The following SMYD3 variants were observed in gnomAD, a reference collection of about 807,000 sequenced individuals.
SMYD3 encodes histone-lysine N-methyltransferase SMYD3.
A neutral mutation model predicts 57.7 loss-of-function variants in SMYD3; 36 were observed. The ratio of observed to expected loss-of-function variants is 0.62; its 90% confidence interval spans 0.48 to 0.82. The LOEUF (loss-of-function observed/expected upper bound fraction) is 0.82, where lower values mean the gene tolerates loss of function less well. SMYD3 is among the 40% of genes least tolerant of loss of function. SMYD3 has a pLI of 0.00. For synonymous variants in SMYD3, 211 were observed against 195.0 expected (o/e 1.08, Z -0.68); for missense variants, 515 against 538.8 (o/e 0.96, Z 0.44).
At position 246,066,258 on chromosome 1, in the gene SMYD3, C is replaced by T. The variant is rs571029733; in HGVS notation, c.532-136321G>A. Among the ~76,000 whole-genome samples the T allele has an allele frequency of 3.3e-5, 5 of 152,170 alleles. No homozygotes were observed. In the South Asian group the frequency reaches 6.2e-4, roughly 19 times the overall value. On this transcript the variant is annotated intron_variant, in intron 5 of 11. Transcript: ENST00000490107. ...CAAGTACGAACACAGTCATTCAAAC[C>T]GGGCTAATAAAAGGCAGCTTAGTGG...
intron 10 of SMYD3, among the ~76,000 whole-genome samples, chr1:245,851,371 T>C (rs9659310): frequency 0.2 from 30,346 of 152,170 alleles, 4,414 homozygotes; most frequent in East Asian, 0.59. Flanking sequence ...GACCCAGGAA[T>C]GTGAGATGTA....
chr1:245,838,019 T>C (rs2050185910), intron 10 of SMYD3, among the ~76,000 whole-genome samples: 1 of 152,196 alleles, frequency 6.6e-6, no homozygotes, highest in African/African-American at 2.4e-5. Context: ...CAGTTGAAAA[T>C]ATGATCTCTG....
chr1:246,265,918 G>A (rs138699766), intron 5 of SMYD3, among the ~76,000 whole-genome samples: 6 of 152,190 alleles, frequency 3.9e-5, no homozygotes, highest in Non-Finnish European at 8.8e-5. Context: ...TATTGGGTTT[G>A]AGAATCTTCT....
At chr1:246,431,636 G>A (rs1388448579) in intron 1 of SMYD3, among the ~76,000 whole-genome samples, 1 of 152,196 alleles carries the variant, frequency 6.6e-6, no homozygotes, top group Non-Finnish European at 1.5e-5. Context: ...GGAGGCTGAG[G>A]CAGCAGAATC....
intron 5 of SMYD3, among the ~76,000 whole-genome samples, chr1:245,950,870 A>G (rs1234667098): frequency 3.9e-5 from 6 of 152,138 alleles, no homozygotes; most frequent in African/African-American, 1.4e-4. Context: ...CACCTATCAC[A>G]CCGCTCTCTC....
chr1:246,353,065 T>C (rs2065856476), intron 2 of SMYD3, among the ~76,000 whole-genome samples: 1 of 152,220 alleles, frequency 6.6e-6, no homozygotes, highest in African/African-American at 2.4e-5. Context: ...CTGGAACGAA[T>C]ACTGTATAAA....
chr1:246,094,114 G>A (rs11580428), intron 5 of SMYD3, among the ~76,000 whole-genome samples: 14,503 of 152,106 alleles, frequency 0.095, 979 homozygotes, highest in Non-Finnish European at 0.14. Context: ...TACTCCAGCC[G>A]CTGTCATGGG....
intron 5 of SMYD3, among the ~76,000 whole-genome samples, chr1:245,986,657 C>T (rs1458808265): frequency 6.6e-6 from 1 of 152,116 alleles, no homozygotes; most frequent in Admixed American, 6.5e-5. Context: ...CCTCCCTGTA[C>T]GTTATCAAAG....
At chr1:245,794,047 T>C (rs1209653374) in intron 10 of SMYD3, among the ~76,000 whole-genome samples, 1 of 152,254 alleles carries the variant, frequency 6.6e-6, no homozygotes, top group Admixed American at 6.5e-5. Context: ...ATCTTAATCA[T>C]TTACATGTAT....
chr1:245,796,801 T>G (rs2047541008), intron 10 of SMYD3, among the ~76,000 whole-genome samples: 1 of 152,246 alleles, frequency 6.6e-6, no homozygotes, highest in Non-Finnish European at 1.5e-5. Flanking sequence ...GCTAGATCAC[T>G]GCTCCATTCT....
chr1:246,332,675 G>T (rs1251872962), intron 3 of SMYD3, among the ~76,000 whole-genome samples: 2 of 152,216 alleles, frequency 1.3e-5, no homozygotes, highest in Non-Finnish European at 2.9e-5. Context: ...GGCCATGGTG[G>T]TGGGCGCCTG....
intron 1 of SMYD3, among the ~76,000 whole-genome samples, chr1:246,420,844 C>G (rs2067133144): frequency 6.6e-6 from 1 of 152,168 alleles, no homozygotes; most frequent in Non-Finnish European, 1.5e-5. Context: ...AGATAACCAA[C>G]CCAGTTTGGA....
intron 6 of SMYD3, among the ~76,000 whole-genome samples, chr1:245,929,502 T>C (rs548255466): frequency 1.3e-5 from 2 of 152,146 alleles, no homozygotes; most frequent in Non-Finnish European, 2.9e-5. Flanking sequence ...TGAACCCAAC[T>C]GATACGTACG....
chr1:246,355,224 A>T lies in SMYD3; in HGVS notation c.165-130T>A. On this transcript the variant is annotated intron_variant, in intron 1 of 11. Coordinates refer to ENST00000490107, the MANE Select transcript of SMYD3 (RefSeq NM_001167740.2). The surrounding 1 kb of genome is among the most constrained non-coding windows in gnomAD (Gnocchi z 5.0). The stretch of plus-strand genomic sequence containing the variant: ...TTTACTCCATTATGTACAGTCCCTT[A>T]AGATTTGGATTTTCACACTGATGAG... The T allele has an allele frequency of 1.2e-6, 1 of 849,104 alleles. No individual in the cohort carries two copies. The highest frequency in any genetic ancestry group is 1.9e-6 in the Non-Finnish European group (1 of 540,160). The allele number at this position is 849,104 out of a possible 1,614,324, so 52.6% of individuals were successfully genotyped here. A position where few individuals can be genotyped will look rare whatever the true frequency, so the allele number is the denominator to read the frequency against.
At chr1:246,137,544 G>C (rs2061682150) in intron 5 of SMYD3, among the ~76,000 whole-genome samples, 1 of 152,150 alleles carries the variant, frequency 6.6e-6, no homozygotes, top group African/African-American at 2.4e-5. Flanking sequence ...AGTATCACTT[G>C]GTTTCCCAAT....
intron 10 of SMYD3, among the ~76,000 whole-genome samples, chr1:245,835,122 CTTT>C (rs11449373): frequency 1.5e-5 from 2 of 134,054 alleles, no homozygotes. Flanking sequence ...GGCAGGTTTC[CTTT>C]TTTTTTTTTT....
intron 5 of SMYD3, among the ~76,000 whole-genome samples, chr1:246,251,456 T>G (rs1780826): frequency 8.5e-6 from 1 of 117,064 alleles, no homozygotes; most frequent in African/African-American, 3.3e-5. Flanking sequence ...TCGGACACTG[T>G]GCCCGGCTTT....
intron 10 of SMYD3, among the ~76,000 whole-genome samples, chr1:245,786,691 G>C (rs936693996): frequency 6.6e-6 from 1 of 151,078 alleles, no homozygotes; most frequent in Non-Finnish European, 1.5e-5. Context: ...GAGTTCACAC[G>C]TGAAGCCTAA....
chr1:245,944,788 C>T (rs962216004), intron 5 of SMYD3, among the ~76,000 whole-genome samples: 1 of 152,168 alleles, frequency 6.6e-6, no homozygotes. Context: ...GGTACAAAAA[C>T]AGACATATAG....
Sources: allele counts gnomAD v4.1 joint callset (sites outside exome capture counted in the v4.1 genomes callset), GRCh38; gene constraint gnomAD v4.1.1; non-coding constraint Gnocchi (gnomAD v3.1); transcripts MANE v1.5; gene names NCBI Gene and HGNC (gene_info 2026-07-23, HGNC 2026-07-21).